RPUSD3: variants seen among roughly 807,000 people sequenced by gnomAD.
RPUSD3 encodes the protein RNA pseudouridine synthase D3, also known as mitochondrial mRNA pseudouridine synthase RPUSD3.
Under a neutral mutation model 35.1 loss-of-function variants are expected in RPUSD3, and 36 were observed. The observed-to-expected ratio is 1.02, with a 90% CI of 0.79 to 1.35. The LOEUF is 1.35. RPUSD3 is among the 40% of genes most tolerant of loss of function. The probability of loss-of-function intolerance (pLI) is 0.00; values close to 1 mark genes in which losing one functional copy is unlikely to be tolerated. For missense variants in RPUSD3, 486 were observed against 441.9 expected (o/e 1.10, Z -0.89); for synonymous variants, 202 against 187.8 (o/e 1.08, Z -0.62).
chr3:9,840,337 T>G (rs2082084628), intron 6 of RPUSD3, 30 bp from the exon 7 acceptor site: 1 of 1,614,096 alleles, frequency 6.2e-7, no homozygotes, highest in African/African-American at 1.3e-5. Context: ...TGAACAAGCC[T>G]TACACAGGTC....
rs1575427994 is a variant in RPUSD3, at chr3:9,839,275, C to G, written c.725-104G>C. The stretch of plus-strand genomic sequence containing the variant: ...TTTGGGGAAACACCACCCCCTTTCT[C>G]AGATCATATGTTTCAGTGAGGTCAG... On this transcript the variant is annotated intron_variant, in intron 7 of 8. Transcript: ENST00000383820. 4 of 1,370,086 alleles carry G rather than the reference C, an allele frequency of 2.9e-6. No homozygotes were observed. The African/African-American group carries it at 5.8e-5, about 20-fold the overall frequency. 84.9% of individuals were successfully genotyped at this position (1,370,086 alleles called of 1,614,324 possible).
chr3:9,838,396 T>G (rs1372638307), intron 8 of RPUSD3, among the ~76,000 whole-genome samples, 189 bp from the exon 9 acceptor site: 1 of 152,184 alleles, frequency 6.6e-6, no homozygotes, highest in African/African-American at 2.4e-5. Context: ...AGAGACTGGC[T>G]AGGGGGTCAC....
exon 4 of RPUSD3, chr3:9,842,067 A>G (rs773470649): frequency 1.2e-6 from 2 of 1,610,686 alleles, no homozygotes; most frequent in Admixed American, 1.7e-5. Flanking sequence ...GAACAACGTC[A>G]GCTCTCCTGG....
chr3:9,838,613 C>A (rs564384356), intron 8 of RPUSD3, among the ~76,000 whole-genome samples: 1 of 152,276 alleles, frequency 6.6e-6, no homozygotes, highest in Non-Finnish European at 1.5e-5. Flanking sequence ...TCCCTGAGTA[C>A]TTAGTGCTTG....
At position 9,840,825 on chromosome 3, in the gene RPUSD3, C is replaced by A; in HGVS notation, c.408-20G>T. ...CTTTCTCTGGAATAAGCAGACAAAT[C>A]ACACAAGTTAAAGTCCCTTGAACTC... On this transcript the variant is annotated intron_variant, in intron 4 of 8. Transcript: ENST00000383820. The A allele has an allele frequency of 6.3e-7, 1 of 1,597,700 alleles. No individual in the cohort carries two copies. The highest frequency in any genetic ancestry group is 1.1e-5 in the South Asian group (1 of 89,974).
At chr3:9,842,031 G>T in exon 4 of RPUSD3, 2 of 1,613,792 alleles carry the variant, frequency 1.2e-6, no homozygotes, top group Non-Finnish European at 1.7e-6. Flanking sequence ...GAGCCCTAGG[G>T]ACTGGCTCAG....
At chr3:9,838,038 C>A in exon 9 of RPUSD3, 1 of 1,584,986 alleles carries the variant, frequency 6.3e-7, no homozygotes, top group South Asian at 1.1e-5. Flanking sequence ...GAGCCCCAGG[C>A]ACTGTAGGGT....
At chr3:9,837,901 A>G in exon 9 of RPUSD3, 1 of 1,152,120 alleles carries the variant, frequency 8.7e-7, no homozygotes, top group Non-Finnish European at 1.2e-6. Context: ...TTACTTGCCC[A>G]ATGCCACACA....
exon 1 of RPUSD3, chr3:9,843,962 A>G: frequency 6.2e-7 from 1 of 1,608,712 alleles, no homozygotes; most frequent in Non-Finnish European, 8.5e-7. Context: ...GCCACTCCAG[A>G]ACCGGCCCAA....
At chr3:9,838,874 A>G (rs1181174464) in intron 8 of RPUSD3, 158 bp downstream of exon 8, 1 of 894,302 alleles carries the variant, frequency 1.1e-6, no homozygotes, top group Non-Finnish European at 1.7e-6. Context: ...TTACTTGCCC[A>G]AGGCCACACA....
intron 2 of RPUSD3, 133 bp downstream of exon 2, chr3:9,843,332 G>T: frequency 7.6e-7 from 1 of 1,323,596 alleles, no homozygotes; most frequent in Non-Finnish European, 1.0e-6. Flanking sequence ...TGCAAATTAG[G>T]TGGCTTGTCC....
At position 9,841,964 on chromosome 3, in the gene RPUSD3, T is replaced by C; in HGVS notation, c.407+19A>G. On this transcript the variant is annotated intron_variant, in intron 4 of 8. Coordinates refer to ENST00000383820, the Ensembl canonical transcript of RPUSD3. ...ATGGATGCCTGTACTCCTAGCTTCC[T>C]GTCACCCCTACCACTTACTTCCCAG... The C allele has an allele frequency of 6.2e-7, 1 of 1,607,576 alleles. No individual in the cohort carries two copies. The highest frequency in any genetic ancestry group is 8.5e-7 in the Non-Finnish European group (1 of 1,174,316).
intron 4 of RPUSD3, 31 bp downstream of exon 4, chr3:9,841,952 C>T (rs1559236178): frequency 1.3e-6 from 2 of 1,579,544 alleles, no homozygotes; most frequent in Non-Finnish European, 1.7e-6. Context: ...GATGCCTGTA[C>T]TCCTAGCTTC....
chr3:9,840,750 G>A lies in RPUSD3; in HGVS notation c.463C>T (p.Gln155Ter). 6.2e-7 allele frequency: 1 copy of A among 1,614,124 alleles called. No homozygotes were observed. Among genetic ancestry groups the A allele is most frequent in the Non-Finnish European group, 8.5e-7 (1 of 1,180,012 alleles). ...CTCCGTGCATGGGTGAAGTACTTCT[G>A]GAGGCGACTAGCTGTCTGGGGACAG... Residue 155 changes from glutamine to a stop codon, truncating the protein, a stop_gained, in exon 5 of 9, where the codon CAG becomes TAG. Coordinates refer to ENST00000383820, the Ensembl canonical transcript of RPUSD3. LOFTEE classifies it high-confidence loss of function.
chr3:9,840,567 C>T, exon 6 of RPUSD3: 4 of 1,614,108 alleles, frequency 2.5e-6, no homozygotes, highest in Non-Finnish European at 3.4e-6. Context: ...AGTTTCAGGG[C>T]AGCCTGGATC....
rs374233721 is a variant in RPUSD3, at chr3:9,840,728, C to T, written c.485G>A (p.Arg162Gln). 64 of 1,613,970 alleles carry T rather than the reference C, an allele frequency of 4.0e-5. No homozygotes were observed. The highest frequency in any genetic ancestry group is 5.2e-5 in the Non-Finnish European group (61 of 1,180,022). Reference sequence around the variant, plus strand: ...GGTGGCTGTGGGCCTTTGGGCTCTCCGTGCATGGGTGAAGTACTTCTGGAG... The same window carrying T: ...GGTGGCTGTGGGCCTTTGGGCTCTCTGTGCATGGGTGAAGTACTTCTGGAG... The change falls in exon 5 of 9, where the codon CGG (arginine) becomes CAG (glutamine). Residue 162 changes from arginine (R) to glutamine (Q), a missense_variant. Arg to Gln is a conservative substitution (Grantham distance 43, BLOSUM62 1). Transcript: ENST00000383820.
intron 2 of RPUSD3, chr3:9,843,094 G>T (rs2082126437): frequency 5.1e-6 from 1 of 195,440 alleles, no homozygotes; most frequent in Non-Finnish European, 1.1e-5. Context: ...GTTTCACCAT[G>T]TTGGCCAGGC....
At chr3:9,840,368 T>A (rs1283686410) in intron 6 of RPUSD3, 61 bp from the exon 7 acceptor site, 1 of 1,613,568 alleles carries the variant, frequency 6.2e-7, no homozygotes, top group Admixed American at 1.7e-5. Flanking sequence ...ACCCAGACCC[T>A]CCCTGCTCCC....
chr3:9,840,847 A>C, intron 4 of RPUSD3, 42 bp from the exon 5 acceptor site: 1 of 1,504,660 alleles, frequency 6.6e-7, no homozygotes, highest in South Asian at 1.2e-5. Flanking sequence ...AGTCCCTTGA[A>C]CTCGCCCACT....
Sources: allele counts gnomAD v4.1 joint callset (sites outside exome capture counted in the v4.1 genomes callset), GRCh38; gene constraint gnomAD v4.1.1; transcripts MANE v1.5; gene names NCBI Gene and HGNC (gene_info 2026-07-23, HGNC 2026-07-21).